The following ATP1B2 variants were observed in gnomAD, a reference collection of about 807,000 sequenced individuals.
ATP1B2 encodes the protein sodium/potassium-transporting ATPase subunit beta-2.
In ATP1B2, 12 loss-of-function variants were observed where a neutral mutation model predicts 37.3. The observed-to-expected ratio is 0.32, with a 90% CI of 0.21 to 0.52. The LOEUF (loss-of-function observed/expected upper bound fraction) is 0.52. Ranked by LOEUF, ATP1B2 falls within the 20% of genes least tolerant of loss-of-function variation. ATP1B2 has a pLI of 0.96. For missense variants in ATP1B2, 324 were observed against 391.6 expected (o/e 0.83, Z 1.46); for synonymous variants, 139 against 140.5 (o/e 0.99, Z 0.07).
At chr17:7,653,818 A>G in intron 2 of ATP1B2, 23 bp from the exon 3 acceptor site, 1 of 1,609,774 alleles carries the variant, frequency 6.2e-7, no homozygotes. Flanking sequence ...GATACCCCCA[A>G]CTTCTGCCTT....
At chr17:7,650,414 C>T (rs2072602363), upstream of ATP1B2, among the ~76,000 whole-genome samples, 1 of 152,096 alleles carries the variant, frequency 6.6e-6, no homozygotes, top group Admixed American at 6.5e-5. Flanking sequence ...GGGAACGTCC[C>T]TCTGGGGGTG....
At chr17:7,651,920 G>A (rs936140890) in intron 1 of ATP1B2, among the ~76,000 whole-genome samples, 1 of 152,000 alleles carries the variant, frequency 6.6e-6, no homozygotes, top group Non-Finnish European at 1.5e-5. Flanking sequence ...ACTCCCTCTC[G>A]GGGCCTGTCC....
rs983889503 is a variant in ATP1B2 at position 7,655,053 on chromosome 17, A to T, written c.609+369A>T. 7.2e-5 allele frequency among the ~76,000 whole-genome samples: 11 copies of T among 151,898 alleles called. No individual in the cohort carries two copies. Among genetic ancestry groups the T allele is most frequent in the Admixed American group, 5.9e-4 (9 of 15,264 alleles). Reference sequence around the variant, plus strand: ...TGGCCCCCACCCGTCAGTTCCTTCTAGGTGTCTGGTAGCTGCTGATCTGTT... The same window carrying T: ...TGGCCCCCACCCGTCAGTTCCTTCTTGGTGTCTGGTAGCTGCTGATCTGTT... On this transcript the variant is annotated intron_variant, in intron 5 of 6. Transcript: ENST00000250111. This position sits in a 1 kb window ranked among gnomAD's most constrained non-coding sequence, Gnocchi z 4.4.
chr17:7,651,810 G>C (rs1291992492), intron 1 of ATP1B2, among the ~76,000 whole-genome samples, 180 bp downstream of exon 1: 1 of 152,118 alleles, frequency 6.6e-6, no homozygotes, highest in Admixed American at 6.5e-5. Flanking sequence ...TGGCCGTGCG[G>C]AGGCGGAGAA....
In ATP1B2 at chr17:7,655,498, T is replaced by C; in HGVS notation, c.610-29T>C. The C allele has an allele frequency of 1.2e-6, 2 of 1,611,646 alleles. No homozygotes were observed. Among genetic ancestry groups the C allele is most frequent in the Non-Finnish European group, 1.7e-6 (2 of 1,177,926 alleles). On this transcript the variant is annotated intron_variant, in intron 5 of 6. Coordinates refer to ENST00000250111, the MANE Select transcript of ATP1B2 (RefSeq NM_001678.5). This position sits in a 1 kb window ranked among gnomAD's most constrained non-coding sequence, Gnocchi z 4.4. ...TGGGTGCCTGCCATCCCTAACTGGC[T>C]CACCCCCTATCTTCCTGCACCCCCA...
In ATP1B2 at chr17:7,654,596, C is replaced by G. The variant is rs776273563; in HGVS notation, c.553-32C>G. 7.4e-6 allele frequency: 12 copies of G among 1,612,094 alleles called. No homozygotes were observed. Among genetic ancestry groups the G allele is most frequent in the African/African-American group, 1.3e-5 (1 of 74,876 alleles). ...TGCCCATCTTCGACAACTTCTTCCTCTGACTCTCTTCACCTTCCACCCTCA... is the reference window on the plus strand; with the variant it reads ...TGCCCATCTTCGACAACTTCTTCCTGTGACTCTCTTCACCTTCCACCCTCA... On this transcript the variant is annotated intron_variant, in intron 4 of 6. Transcript: ENST00000250111. The surrounding 1 kb of genome is among the most constrained non-coding windows in gnomAD (Gnocchi z 4.9).
chr17:7,648,289 T>C (rs2072587138), upstream of ATP1B2, among the ~76,000 whole-genome samples: 1 of 151,128 alleles, frequency 6.6e-6, no homozygotes, highest in Admixed American at 6.6e-5. Context: ...GAAAGGAAAA[T>C]AGTTTAGGCT....
upstream of ATP1B2, among the ~76,000 whole-genome samples, chr17:7,649,996 A>G (rs2072599766): frequency 1.3e-5 from 2 of 152,160 alleles, no homozygotes; most frequent in Non-Finnish European, 2.9e-5. Context: ...CCGGCTTGAG[A>G]TAATGATTCT....
chr17:7,655,637 G>A lies in ATP1B2; in HGVS notation c.708+12G>A. On this transcript the variant is annotated intron_variant, in intron 6 of 6. Transcript: ENST00000250111. This position sits in a 1 kb window ranked among gnomAD's most constrained non-coding sequence, Gnocchi z 4.4. Reference sequence around the variant, plus strand: ...GCAAAAAGTTCCACGTAAGTCCCAGGGGAGGCCCAGGCTGATGGCGGGTGC... The same window carrying A: ...GCAAAAAGTTCCACGTAAGTCCCAGAGGAGGCCCAGGCTGATGGCGGGTGC... The A allele has an allele frequency of 6.2e-7, 1 of 1,614,114 alleles. No individual in the cohort carries two copies. The highest frequency in any genetic ancestry group is 8.5e-7 in the Non-Finnish European group (1 of 1,180,006).
rs1351126355 is a variant in ATP1B2, at chr17:7,655,970, C to T, written c.*75C>T. 24 of 1,560,306 alleles carry T rather than the reference C, an allele frequency of 1.5e-5. No homozygotes were observed. Among genetic ancestry groups the T allele is most frequent in the African/African-American group, 2.7e-5 (2 of 73,884 alleles). ...CCCTGACCCTGCCTGATCCCTCCCT[C>T]ACCCACCCCAAAGGTATTTTTGATA... On this transcript the variant is annotated 3_prime_UTR_variant, in exon 7 of 7. Coordinates refer to ENST00000250111, the MANE Select transcript of ATP1B2 (RefSeq NM_001678.5). This position sits in a 1 kb window ranked among gnomAD's most constrained non-coding sequence, Gnocchi z 4.4.
chr17:7,646,858 C>A (rs1240684825), upstream of ATP1B2, among the ~76,000 whole-genome samples: 2 of 152,032 alleles, frequency 1.3e-5, no homozygotes, highest in African/African-American at 4.8e-5. Flanking sequence ...CGGGAGGATC[C>A]CTTGAGCCCA....
rs1161553196 is a variant in ATP1B2 at position 7,655,857 on chromosome 17, G to A, written c.835G>A (p.Gly279Ser). The A allele has an allele frequency of 9.3e-6, 15 of 1,614,066 alleles. No homozygotes were observed. Among genetic ancestry groups the A allele is most frequent in the Non-Finnish European group, 9.3e-6 (11 of 1,180,006 alleles). ...AGACGATGAGCGAGACAAGTTCGCCGGCCGCGTGGCCTTCAAACTCCGCAT... is the reference window on the plus strand; with the variant it reads ...AGACGATGAGCGAGACAAGTTCGCCAGCCGCGTGGCCTTCAAACTCCGCAT... Reference protein sequence around the residue: ...ATDDERDKFAGRVAFKLRINK... With the variant: ...ATDDERDKFASRVAFKLRINK... The change falls in exon 7 of 7, where the codon GGC becomes AGC. Residue 279 changes from glycine to serine, a missense_variant. Transcript: ENST00000250111. This position sits in a 1 kb window ranked among gnomAD's most constrained non-coding sequence, Gnocchi z 4.4.
At chr17:7,647,119 AAG>A (rs2150975863), upstream of ATP1B2, among the ~76,000 whole-genome samples, 2 of 150,380 alleles carry the variant, frequency 1.3e-5, no homozygotes, top group South Asian at 2.1e-4. Context: ...AAAAAAAAAA[AAG>A]AGTAAGTGGG....
chr17:7,655,709 C>G lies in ATP1B2; in HGVS notation c.709-22C>G. 6.2e-7 allele frequency: 1 copy of G among 1,614,052 alleles called. No individual in the cohort carries two copies. On this transcript the variant is annotated intron_variant, in intron 6 of 6. Transcript: ENST00000250111. This position sits in a 1 kb window ranked among gnomAD's most constrained non-coding sequence, Gnocchi z 4.4. ...GGCCGCGTTGCCCCAGGCCTAGACC[C>G]TGCACTGCTCCTCCGGCCCAGGTGA... is the stretch of plus-strand genomic sequence containing the variant.
upstream of ATP1B2, among the ~76,000 whole-genome samples, chr17:7,647,836 A>AC (rs398119669): frequency 6.7e-5 from 10 of 150,330 alleles, no homozygotes; most frequent in South Asian, 2.1e-4. Context: ...GAAAAAAAAA[A>AC]CATGTAAACA....
In ATP1B2 at chr17:7,654,735, T is replaced by C. The variant is rs2072638243; in HGVS notation, c.609+51T>C. On this transcript the variant is annotated intron_variant, in intron 5 of 6. Coordinates refer to ENST00000250111, the MANE Select transcript of ATP1B2 (RefSeq NM_001678.5). This position sits in a 1 kb window ranked among gnomAD's most constrained non-coding sequence, Gnocchi z 4.9. ...TGCTCACCTGAGTGGCTCACCTGAG[T>C]GTCCTTCATGGTTTCTGTGTAATTC... The C allele has an allele frequency of 6.3e-7, 1 of 1,583,142 alleles. No individual in the cohort carries two copies. Among genetic ancestry groups the C allele is most frequent in the Non-Finnish European group, 8.7e-7 (1 of 1,151,830 alleles).
chr17:7,654,902 C>A lies in ATP1B2; in HGVS notation c.609+218C>A. 1 of 567,096 alleles carries A rather than the reference C, an allele frequency of 1.8e-6. No homozygotes were observed. The highest frequency in any genetic ancestry group is 3.0e-5 in the East Asian group (1 of 33,524). 35.1% of individuals were successfully genotyped at this position (567,096 alleles called of 1,614,324 possible). A position where few individuals can be genotyped will look rare whatever the true frequency, so the allele number is the denominator to read the frequency against. On this transcript the variant is annotated intron_variant, in intron 5 of 6. Transcript: ENST00000250111. The surrounding 1 kb of genome is among the most constrained non-coding windows in gnomAD (Gnocchi z 4.9). The stretch of plus-strand genomic sequence containing the variant: ...TTGCTTCTCTCTGGGATGCAGAGGC[C>A]TGCTCTCCTAGGGGCCAGACACACG...
Position 7,651,768 on chromosome 17 carries a change from G to A in ATP1B2, c.112+138G>A. On this transcript the variant is annotated intron_variant, in intron 1 of 6. Transcript: ENST00000250111. ...CTCCCTGCCGGGCTCTGGGCTGGGA[G>A]GGGGCCGAATCGCCAGTCTAATCTC... The A allele has an allele frequency of 1.1e-5, 8 of 733,660 alleles. No individual in the cohort carries two copies. The South Asian group carries it at 1.6e-4, about 15-fold the overall frequency. 45.4% of individuals were successfully genotyped at this position (733,660 alleles called of 1,614,324 possible). A position where few individuals can be genotyped will look rare whatever the true frequency, so the allele number is the denominator to read the frequency against.
Position 7,651,118 on chromosome 17 carries a change from C to T in ATP1B2, c.-401C>T, listed in dbSNP as rs2072608470. On this transcript the variant is annotated 5_prime_UTR_variant, in exon 1 of 7. Coordinates refer to ENST00000250111, the MANE Select transcript of ATP1B2 (RefSeq NM_001678.5). Reference sequence around the variant, plus strand: ...TTCGGGGCGGCCCCCTCCCCCACCTCTCTCTGCCTTTTTGTACCCCGCTTT... The same window carrying T: ...TTCGGGGCGGCCCCCTCCCCCACCTTTCTCTGCCTTTTTGTACCCCGCTTT... The T allele has an allele frequency of 4.5e-6, 1 of 223,308 alleles. No individual in the cohort carries two copies. The highest frequency in any genetic ancestry group is 4.9e-5 in the South Asian group (1 of 20,394). 13.8% of individuals were successfully genotyped at this position (223,308 alleles called of 1,614,324 possible).
Sources: gnomAD v4.1 joint callset for allele counts (sites outside exome capture counted in the v4.1 genomes callset) on GRCh38, gnomAD v4.1.1 for gene constraint, Gnocchi (gnomAD v3.1) non-coding constraint, MANE v1.5 for transcripts, NCBI Gene and HGNC (gene_info 2026-07-23, HGNC 2026-07-21) for gene names.